Variants in GRID2 observed in about 807,000 individuals in gnomAD.
GRID2 encodes the protein glutamate ionotropic receptor delta type subunit 2.
A neutral mutation model predicts 114.8 loss-of-function variants in GRID2; 33 were observed. The ratio of observed to expected loss-of-function variants is 0.29; its 90% CI spans 0.22 to 0.38. GRID2 has a LOEUF of 0.38. Ranked by LOEUF, GRID2 falls within the 10% of genes least tolerant of loss-of-function variation. GRID2 has a pLI of 1.00. For missense variants in GRID2, 1,184 were observed against 1,257.7 expected (o/e 0.94, Z 0.89); for synonymous variants, 505 against 449.9 (o/e 1.12, Z -1.55).
At chr4:92,693,195 A>G (rs1734263258) in intron 2 of GRID2, among the ~76,000 whole-genome samples, 1 of 152,074 alleles carries the variant, frequency 6.6e-6, no homozygotes, top group South Asian at 2.1e-4. Flanking sequence ...ACAACGTTCT[A>G]GTAATCTCAA....
intron 13 of GRID2, among the ~76,000 whole-genome samples, chr4:93,608,058 ACG>A (rs1365803584): frequency 7.0e-6 from 1 of 143,414 alleles, no homozygotes. Flanking sequence ...ATATATATAT[ACG>A]TATATAAGTA....
intron 11 of GRID2, among the ~76,000 whole-genome samples, chr4:93,488,313 A>AG (rs1195667651): frequency 6.6e-6 from 1 of 151,980 alleles, no homozygotes; most frequent in African/African-American, 2.4e-5. Context: ...GAAGGTATCT[A>AG]AAATGCATTG....
intron 10 of GRID2, among the ~76,000 whole-genome samples, chr4:93,436,560 CA>C (rs1240599710): frequency 2.0e-5 from 3 of 151,758 alleles, no homozygotes; most frequent in Non-Finnish European, 2.9e-5. Context: ...AAGTAGATAC[CA>C]AACAGGAAAA....
intron 8 of GRID2, among the ~76,000 whole-genome samples, chr4:93,322,890 G>A (rs1205940940): frequency 1.3e-5 from 2 of 152,060 alleles, no homozygotes; most frequent in Non-Finnish European, 2.9e-5. Context: ...TTTTAATGGG[G>A]TTGTTTGTTT....
chr4:92,694,018 A>C (rs1198516339), intron 2 of GRID2, among the ~76,000 whole-genome samples: 3 of 152,116 alleles, frequency 2.0e-5, no homozygotes, highest in African/African-American at 4.8e-5. Flanking sequence ...CTTTTGACAG[A>C]TTGAGGATTT....
chr4:92,664,995 T>G (rs556444947), intron 2 of GRID2, among the ~76,000 whole-genome samples: 1 of 150,998 alleles, frequency 6.6e-6, no homozygotes, highest in African/African-American at 2.4e-5. Flanking sequence ...TCTTTTTTTT[T>G]TTTTTAATTT....
At chr4:93,525,009 C>T (rs1730745388) in intron 13 of GRID2, among the ~76,000 whole-genome samples, 1 of 151,732 alleles carries the variant, frequency 6.6e-6, no homozygotes, top group African/African-American at 2.4e-5. Context: ...GCCAGATCTG[C>T]TCCAATTCTT....
intron 2 of GRID2, among the ~76,000 whole-genome samples, chr4:92,911,811 T>C (rs1161556635): frequency 6.6e-6 from 1 of 151,774 alleles, no homozygotes; most frequent in Admixed American, 6.6e-5. Flanking sequence ...TTTTTCCTAG[T>C]TGTTCATGTG....
At chr4:93,153,093 T>G (rs2149399311) in intron 4 of GRID2, among the ~76,000 whole-genome samples, 1 of 152,278 alleles carries the variant, frequency 6.6e-6, no homozygotes, top group African/African-American at 2.4e-5. Context: ...TAGTAATCTA[T>G]GTCTAACCTA....
intron 4 of GRID2, among the ~76,000 whole-genome samples, chr4:93,118,920 A>G (rs909360952): frequency 6.6e-6 from 1 of 152,230 alleles, no homozygotes; most frequent in African/African-American, 2.4e-5. Flanking sequence ...AAAGTTATTG[A>G]AATATTCAAG....
At chr4:92,387,981 T>C (rs1560601276) in intron 1 of GRID2, among the ~76,000 whole-genome samples, 1 of 152,038 alleles carries the variant, frequency 6.6e-6, no homozygotes, top group Non-Finnish European at 1.5e-5. Context: ...AAACAAATGC[T>C]CAATAATAGA....
chr4:93,617,944 A>T (rs924662791), intron 13 of GRID2, among the ~76,000 whole-genome samples: 1 of 152,090 alleles, frequency 6.6e-6, no homozygotes, highest in Non-Finnish European at 1.5e-5. Context: ...TGTTGCTTTC[A>T]GCTATTTTTT....
intron 14 of GRID2, among the ~76,000 whole-genome samples, chr4:93,745,396 A>T (rs1218324082): frequency 6.6e-6 from 1 of 152,180 alleles, no homozygotes; most frequent in African/African-American, 2.4e-5. Flanking sequence ...TTAGCTACAG[A>T]ATTCTTATTT....
At chr4:93,677,034 G>A (rs558515893) in intron 14 of GRID2, among the ~76,000 whole-genome samples, 2 of 151,612 alleles carry the variant, frequency 1.3e-5, no homozygotes, top group Non-Finnish European at 2.9e-5. Flanking sequence ...TCAAGGAAAG[G>A]GGTGACAGAT....
At chr4:92,866,205 A>G (rs942911204) in intron 2 of GRID2, among the ~76,000 whole-genome samples, 1 of 152,178 alleles carries the variant, frequency 6.6e-6, no homozygotes, top group Non-Finnish European at 1.5e-5. Context: ...TTTACAGTCC[A>G]TCATCACTCA....
chr4:92,412,009 T>C (rs186297141), intron 1 of GRID2, among the ~76,000 whole-genome samples: 52 of 152,130 alleles, frequency 3.4e-4, no homozygotes, highest in African/African-American at 1.3e-3. Context: ...CTTCTTTTTC[T>C]ATCTCCTTCA....
At chr4:92,681,909 AAAG>A (rs1370047162) in intron 2 of GRID2, among the ~76,000 whole-genome samples, 3 of 152,148 alleles carry the variant, frequency 2.0e-5, no homozygotes, top group Non-Finnish European at 4.4e-5. Flanking sequence ...GAAGAAAAAA[AAAG>A]AAGGTAGCTT....
At chr4:93,705,673 A>C (rs1392454558) in intron 14 of GRID2, among the ~76,000 whole-genome samples, 1 of 152,110 alleles carries the variant, frequency 6.6e-6, no homozygotes. Context: ...GCCATGCAGA[A>C]ACTTTTTAAC....
In GRID2 at chr4:93,630,903, A is replaced by G. The variant is rs149344095; in HGVS notation, c.2360+4468A>G. 7.8e-3 allele frequency among the ~76,000 whole-genome samples: 1,191 copies of G among 152,282 alleles called. 11 individuals are homozygous for G. The highest frequency in any genetic ancestry group is 0.027 in the Middle Eastern group (8 of 294). On this transcript the variant is annotated intron_variant, in intron 14 of 15. Coordinates refer to ENST00000282020, the MANE Select transcript of GRID2 (RefSeq NM_001510.4). Reference sequence around the variant, plus strand: ...TTCTGTCTTCCCTTATATTTCTTCTAAAAGCATATAAGAATAATGTCAAGC... The same window carrying G: ...TTCTGTCTTCCCTTATATTTCTTCTGAAAGCATATAAGAATAATGTCAAGC...
Sources: gnomAD v4.1 joint callset for allele counts (sites outside exome capture counted in the v4.1 genomes callset) on GRCh38, gnomAD v4.1.1 for gene constraint, MANE v1.5 for transcripts, NCBI Gene and HGNC (gene_info 2026-07-23, HGNC 2026-07-21) for gene names.